ADAMTS3: variants seen among roughly 807,000 people sequenced by gnomAD.
ADAMTS3 encodes A disintegrin and metalloproteinase with thrombospondin motifs 3.
A neutral mutation model predicts 129.0 loss-of-function variants in ADAMTS3; 73 were observed. That is an observed-to-expected ratio of 0.57 (90% CI 0.47 to 0.69). The LOEUF is 0.69. Among genes scored for constraint, ADAMTS3 ranks in the 30% least tolerant of loss-of-function variants. The pLI is 0.00. For missense variants in ADAMTS3, 1,457 were observed against 1,514.5 expected (o/e 0.96, Z 0.63); for synonymous variants, 477 against 510.8 (o/e 0.93, Z 0.89).
chr4:72,529,889 T>C (rs1279799218), intron 3 of ADAMTS3, among the ~76,000 whole-genome samples: 1 of 68,052 alleles, frequency 1.5e-5, no homozygotes, highest in African/African-American at 5.9e-5. Flanking sequence ...TATAATATAT[T>C]ATATATTATA....
At chr4:72,440,854 A>T (rs936600750) in intron 3 of ADAMTS3, among the ~76,000 whole-genome samples, 1 of 151,772 alleles carries the variant, frequency 6.6e-6, no homozygotes, top group Admixed American at 6.6e-5. Flanking sequence ...CACTTTTTTT[A>T]TTACAAGAAT....
intron 4 of ADAMTS3, among the ~76,000 whole-genome samples, chr4:72,360,535 GT>G (rs10650390): frequency 7.3e-5 from 11 of 151,392 alleles, no homozygotes; most frequent in Admixed American, 2.6e-4. Flanking sequence ...GTAATGAATG[GT>G]TTTTTTTGAA....
chr4:72,296,702 A>G (rs886520225), intron 18 of ADAMTS3, among the ~76,000 whole-genome samples: 5 of 152,078 alleles, frequency 3.3e-5, no homozygotes, highest in African/African-American at 4.8e-5. Context: ...CTCTTATATA[A>G]CTATAATATA....
chr4:72,487,324 T>TA (rs1384186746), intron 3 of ADAMTS3, among the ~76,000 whole-genome samples: 1 of 152,076 alleles, frequency 6.6e-6, no homozygotes, highest in Non-Finnish European at 1.5e-5. Flanking sequence ...ATGCATGTGC[T>TA]AAAATAGGTC....
Position 72,518,530 on chromosome 4 carries a change from G to T in ADAMTS3, c.504+29948C>A, listed in dbSNP as rs553519640. Among the ~76,000 whole-genome samples, 525 of 152,062 alleles carry T rather than the reference G, an allele frequency of 3.5e-3. 5 individuals carry two copies. The highest frequency in any genetic ancestry group is 0.012 in the African/African-American group (509 of 41,454). ...ATGAATCTGGGTGCTCCTGTATTGG[G>T]TGCATATATATTTAGGATAGTTAGC... On this transcript the variant is annotated intron_variant, in intron 3 of 21. Transcript: ENST00000286657.
chr4:72,333,570 G>A (rs1258896610), intron 5 of ADAMTS3, among the ~76,000 whole-genome samples: 1 of 151,914 alleles, frequency 6.6e-6, no homozygotes, highest in Admixed American at 6.6e-5. Context: ...TTCTTTACAA[G>A]GCCGAGAGAA....
At chr4:72,412,528 T>G (rs1213061635) in intron 4 of ADAMTS3, among the ~76,000 whole-genome samples, 2 of 152,042 alleles carry the variant, frequency 1.3e-5, no homozygotes, top group Non-Finnish European at 2.9e-5. Flanking sequence ...AATCACTTGT[T>G]CCCCTAGGCA....
intron 3 of ADAMTS3, among the ~76,000 whole-genome samples, chr4:72,538,070 A>G (rs1053541609): frequency 3.6e-4 from 55 of 152,156 alleles, no homozygotes; most frequent in Admixed American, 2.0e-4. Flanking sequence ...TGAAGGGAGG[A>G]CCACGGAAAT....
At chr4:72,416,104 C>T (rs1484669742) in intron 3 of ADAMTS3, among the ~76,000 whole-genome samples, 1 of 149,514 alleles carries the variant, frequency 6.7e-6, no homozygotes, top group Non-Finnish European at 1.5e-5. Context: ...TGCCATTATG[C>T]TATCAAGCAA....
At position 72,474,922 on chromosome 4, in the gene ADAMTS3, G is replaced by C. The variant is rs1033154225; in HGVS notation, c.505-59951C>G. Among the ~76,000 whole-genome samples the C allele has an allele frequency of 7.3e-5, 11 of 151,264 alleles. No individual in the cohort carries two copies. The East Asian group carries it at 2.1e-3, about 29-fold the overall frequency. On this transcript the variant is annotated intron_variant, in intron 3 of 21. Transcript: ENST00000286657. ...GGTGCCTGTAGTCCCAGCTACTTGG[G>C]AGGCTGAGGCAGGAGAATGGCGTGA...
chr4:72,349,133 C>A (rs1720363142), intron 4 of ADAMTS3, among the ~76,000 whole-genome samples: 2 of 152,002 alleles, frequency 1.3e-5, no homozygotes, highest in African/African-American at 4.8e-5. Flanking sequence ...TACTATGATG[C>A]AACTCTATGA....
At chr4:72,432,325 G>A (rs142975949) in intron 3 of ADAMTS3, among the ~76,000 whole-genome samples, 1 of 151,866 alleles carries the variant, frequency 6.6e-6, no homozygotes, top group African/African-American at 2.4e-5. Context: ...TTTCCCTCCC[G>A]ACCACACTAT....
intron 3 of ADAMTS3, among the ~76,000 whole-genome samples, chr4:72,475,863 A>G (rs952259873): frequency 2.2e-4 from 33 of 152,128 alleles, no homozygotes; most frequent in African/African-American, 7.2e-4. Context: ...GAAAGTAAAC[A>G]ATACATTTTA....
chr4:72,461,614 C>T (rs1718773701), intron 3 of ADAMTS3, among the ~76,000 whole-genome samples: 1 of 151,854 alleles, frequency 6.6e-6, no homozygotes, highest in African/African-American at 2.4e-5. Flanking sequence ...TAAATGTATT[C>T]TTGTGGACCG....
intron 3 of ADAMTS3, among the ~76,000 whole-genome samples, chr4:72,419,571 C>T (rs969390628): frequency 1.1e-4 from 16 of 152,068 alleles, no homozygotes; most frequent in Non-Finnish European, 1.5e-5. Flanking sequence ...TGAATGCAGC[C>T]CAACACAAAT....
rs201097717 is a variant in ADAMTS3 at position 72,295,708 on chromosome 4, T to C, written c.2669A>G (p.Lys890Arg). The change falls in exon 19 of 22, where the codon AAA becomes AGA. Residue 890 changes from lysine (K) to arginine (R), a missense_variant. Coordinates refer to ENST00000286657, the MANE Select transcript of ADAMTS3 (RefSeq NM_014243.3). ...CATTCGTCTAATAGGTTTCGGCTTT[T>C]TGTTGGCCTCACAGAAGCTGCGATG... ...MVHRSFCEAN[K>R]KPKPIRRMCN... 1.5e-4 allele frequency: 237 copies of C among 1,612,936 alleles called. No homozygotes were observed. The highest frequency in any genetic ancestry group is 2.0e-4 in the Non-Finnish European group (232 of 1,179,214).
chr4:72,349,648 A>G (rs1720376521), intron 4 of ADAMTS3, among the ~76,000 whole-genome samples: 2 of 151,996 alleles, frequency 1.3e-5, no homozygotes, highest in African/African-American at 4.8e-5. Flanking sequence ...AAAAGGTAAC[A>G]CTTAGACATT....
intron 2 of ADAMTS3, among the ~76,000 whole-genome samples, chr4:72,553,275 C>T (rs1397259943): frequency 1.3e-5 from 2 of 152,102 alleles, no homozygotes; most frequent in African/African-American, 4.8e-5. Flanking sequence ...CCAGGTCTTA[C>T]CTTTTAAGCT....
chr4:72,526,700 C>T (rs1325610693), intron 3 of ADAMTS3, among the ~76,000 whole-genome samples: 2 of 139,136 alleles, frequency 1.4e-5, no homozygotes, highest in Non-Finnish European at 3.1e-5. Flanking sequence ...ATACACTACA[C>T]ACATATATAG....
Sources: gnomAD v4.1 joint callset for allele counts (sites outside exome capture counted in the v4.1 genomes callset) on GRCh38, gnomAD v4.1.1 for gene constraint, MANE v1.5 for transcripts, NCBI Gene and HGNC (gene_info 2026-07-23, HGNC 2026-07-21) for gene names.